GMEB2: variants seen among roughly 807,000 people sequenced by gnomAD.
GMEB2 encodes the protein glucocorticoid modulatory element-binding protein 2.
Under a neutral mutation model 45.7 loss-of-function variants are expected in GMEB2, and 7 were observed. The ratio of observed to expected loss-of-function variants is 0.15; its 90% CI spans 0.09 to 0.29. The LOEUF (loss-of-function observed/expected upper bound fraction) is 0.29. Among genes scored for constraint, GMEB2 ranks in the 10% least tolerant of loss-of-function variants. The pLI is 1.00. For missense variants in GMEB2, 582 were observed against 739.2 expected (o/e 0.79, Z 2.47); for synonymous variants, 322 against 323.6 (o/e 1.00, Z 0.05).
intron 1 of GMEB2, among the ~76,000 whole-genome samples, chr20:63,625,757 C>T (rs1326855053): frequency 6.6e-6 from 1 of 151,984 alleles, no homozygotes; most frequent in Non-Finnish European, 1.5e-5. Context: ...ACCACCACGC[C>T]CGGCTAACTT....
At position 63,618,267 on chromosome 20, in the gene GMEB2, CCAGCTCTGTGGATGAGA is replaced by C. The variant is rs2089623027; in HGVS notation, c.131+983_131+999del. Among the ~76,000 whole-genome samples the C allele has an allele frequency of 2.0e-5, 3 of 152,322 alleles. No individual in the cohort carries two copies. In the South Asian group the frequency reaches 6.2e-4, roughly 32 times the overall value. ...ACTCCTGCATTTCCAGACATGGCCA[CCAGCTCTGTGGATGAGA>C]CAGGGGAGGACAGGGTACCTCACAC... On this transcript the variant is annotated intron_variant, in intron 2 of 9. Transcript: ENST00000370077.
chr20:63,602,155 G>GT (rs1302347952), intron 4 of GMEB2, among the ~76,000 whole-genome samples: 2 of 152,244 alleles, frequency 1.3e-5, no homozygotes, highest in Admixed American at 1.3e-4. Flanking sequence ...AGTACTTTTT[G>GT]TTTGTTTCTG....
chr20:63,614,016 C>T (rs761240915), intron 2 of GMEB2, among the ~76,000 whole-genome samples: 15 of 152,130 alleles, frequency 9.9e-5, no homozygotes, highest in African/African-American at 2.9e-4. Flanking sequence ...ATGTGAAGGC[C>T]GCCCTGCATT....
intron 4 of GMEB2, among the ~76,000 whole-genome samples, chr20:63,599,905 A>T (rs2083229373): frequency 1.3e-5 from 2 of 152,176 alleles, no homozygotes; most frequent in Non-Finnish European, 2.9e-5. Flanking sequence ...ACACTTGTGT[A>T]TATTTCCTAA....
rs948760374 is a variant in GMEB2 at position 63,588,672 on chromosome 20, G to A, written c.*1417C>T. ...GGACAGCCAGCCAGTTCCCTTCGGAGCAGTGAAGTGGGACACAGGACCCTC... is the reference window on the plus strand; with the variant it reads ...GGACAGCCAGCCAGTTCCCTTCGGAACAGTGAAGTGGGACACAGGACCCTC... On this transcript the variant is annotated 3_prime_UTR_variant, in exon 10 of 10. Transcript: ENST00000370077. 5.0e-5 allele frequency: 20 copies of A among 398,062 alleles called. No individual in the cohort carries two copies. Among genetic ancestry groups the A allele is most frequent in the African/African-American group, 2.5e-4 (12 of 48,644 alleles). The allele number at this position is 398,062 out of a possible 1,614,324, so 24.7% of individuals were successfully genotyped here.
At chr20:63,604,096 T>G (rs1238218019) in intron 3 of GMEB2, among the ~76,000 whole-genome samples, 7 of 140,394 alleles carry the variant, frequency 5.0e-5, no homozygotes, top group African/African-American at 1.6e-4. Flanking sequence ...CCAGGCTCAG[T>G]GGCTCACACC....
At chr20:63,603,696 C>T (rs1360461638) in intron 3 of GMEB2, among the ~76,000 whole-genome samples, 3 of 151,328 alleles carry the variant, frequency 2.0e-5, no homozygotes, top group Non-Finnish European at 4.4e-5. Flanking sequence ...GAGTCGAGAT[C>T]GCGCCACCGC....
intron 5 of GMEB2, among the ~76,000 whole-genome samples, chr20:63,596,353 C>T (rs1393671837): frequency 2.6e-5 from 4 of 152,228 alleles, no homozygotes; most frequent in African/African-American, 4.8e-5. Flanking sequence ...TCTGCCTCTC[C>T]GGAGGTCCAG....
intron 3 of GMEB2, among the ~76,000 whole-genome samples, chr20:63,604,326 G>C (rs1043288781): frequency 6.6e-6 from 1 of 150,846 alleles, no homozygotes; most frequent in African/African-American, 2.4e-5. Context: ...TATGGTGAAC[G>C]GTGATCGTGC....
chr20:63,591,330 C>T lies in GMEB2; in HGVS notation c.953-601G>A, dbSNP rs548191762. Among the ~76,000 whole-genome samples, 33 of 151,964 alleles carry T rather than the reference C, an allele frequency of 2.2e-4. 1 individual carries two copies. In the South Asian group the frequency reaches 5.2e-3, roughly 24 times the overall value. Reference sequence around the variant, plus strand: ...ACACACATTGAACACACAGTGAACACGCAGTGAACACACACACACTGAACA... The same window carrying T: ...ACACACATTGAACACACAGTGAACATGCAGTGAACACACACACACTGAACA... On this transcript the variant is annotated intron_variant, in intron 9 of 9. Transcript: ENST00000370077.
chr20:63,597,889 G>C, intron 4 of GMEB2, 29 bp from the exon 5 acceptor site: 1 of 1,339,440 alleles, frequency 7.5e-7, no homozygotes. Flanking sequence ...TGTGGGTCAA[G>C]CTTGGCCGGG....
At chr20:63,596,887 G>C (rs985730487) in intron 5 of GMEB2, among the ~76,000 whole-genome samples, 1 of 152,020 alleles carries the variant, frequency 6.6e-6, no homozygotes, top group East Asian at 1.9e-4. Flanking sequence ...GTGTGCTGGC[G>C]AGCACCTGTA....
intron 4 of GMEB2, among the ~76,000 whole-genome samples, chr20:63,601,931 CTGCCTGTGGCTTCT>C (rs2083245076): frequency 7.1e-6 from 1 of 140,086 alleles, no homozygotes; most frequent in Admixed American, 7.1e-5. Flanking sequence ...GGCTTCTGTG[CTGCCTGTGGCTTCT>C]GTGGGGCCTG....
chr20:63,590,325 T>C lies in GMEB2; in HGVS notation c.1357A>G (p.Ser453Gly), dbSNP rs2083134017. 25 of 1,612,456 alleles carry C rather than the reference T, an allele frequency of 1.6e-5. No homozygotes were observed. The highest frequency in any genetic ancestry group is 2.0e-5 in the Non-Finnish European group (24 of 1,179,680). Residue 453 changes from serine to glycine, a missense_variant, in exon 10 of 10, where the codon AGC (serine) becomes GGC (glycine). Physicochemically the swap from Ser to Gly is moderately conservative, Grantham distance 56. This residue lies in a region of GMEB2 where 462 missense variants were observed against 586.7 expected (regional missense o/e 0.79). Coordinates refer to ENST00000370077, the MANE Select transcript of GMEB2 (RefSeq NM_012384.5). ...GCGGCCGTGCTCAGGACCGTGAGGC[T>C]GGACGCGTCCGGGTGGATCTCCACT... ...STVEIHPDAS[S>G]LTVLSTAAVQ...
At chr20:63,597,027 TGAAA>T (rs1174750851) in intron 5 of GMEB2, among the ~76,000 whole-genome samples, 4 of 148,866 alleles carry the variant, frequency 2.7e-5, no homozygotes, top group East Asian at 3.9e-4. Context: ...AAAAAAAAAG[TGAAA>T]GAAAGGACAG....
At chr20:63,605,597 G>C (rs992215831) in intron 2 of GMEB2, among the ~76,000 whole-genome samples, 1 of 151,222 alleles carries the variant, frequency 6.6e-6, no homozygotes, top group African/African-American at 2.4e-5. Flanking sequence ...AGCTGGTCTC[G>C]AGATCACACA....
At chr20:63,626,542 T>G (rs1326867145) in intron 1 of GMEB2, among the ~76,000 whole-genome samples, 1 of 80,046 alleles carries the variant, frequency 1.2e-5, no homozygotes, top group East Asian at 3.5e-4. Flanking sequence ...GGGTGGCCCC[T>G]GCGGGTCGCG....
At chr20:63,616,781 A>G (rs1454172063) in intron 2 of GMEB2, among the ~76,000 whole-genome samples, 4 of 152,218 alleles carry the variant, frequency 2.6e-5, no homozygotes, top group African/African-American at 9.6e-5. Flanking sequence ...AGACCCTGAG[A>G]GGTGGAGGCA....
Position 63,590,535 on chromosome 20 carries a change from C to A in GMEB2, c.1147G>T (p.Ala383Ser). ...SQVLTQSAQL[A>S]LGPGVPVPQL... ...GGGACGGGCACGCCCGGGCCAAGCG[C>A]CAGCTGGGCAGACTGGGTGAGCACC... Residue 383 changes from alanine to serine, a missense_variant, in exon 10 of 10, where the codon GCG becomes TCG. Physicochemically the swap from Ala to Ser is moderately conservative, Grantham distance 99. Coordinates refer to ENST00000370077, the MANE Select transcript of GMEB2 (RefSeq NM_012384.5). 6.5e-7 allele frequency: 1 copy of A among 1,528,746 alleles called. No individual in the cohort carries two copies. Among genetic ancestry groups the A allele is most frequent in the Non-Finnish European group, 8.8e-7 (1 of 1,135,312 alleles). 94.7% of individuals were successfully genotyped at this position (1,528,746 alleles called of 1,614,324 possible).
Sources: allele counts gnomAD v4.1 joint callset (sites outside exome capture counted in the v4.1 genomes callset), GRCh38; gene constraint gnomAD v4.1.1; regional missense constraint gnomAD v4.1.1; transcripts MANE v1.5; gene names NCBI Gene and HGNC (gene_info 2026-07-23, HGNC 2026-07-21).